The following CDK8 variants were observed in gnomAD, a reference collection of about 807,000 sequenced individuals.
CDK8 encodes the protein cyclin dependent kinase 8.
CDK8 carries 29 observed loss-of-function variants against 71.5 expected under a neutral mutation model. The ratio of observed to expected loss-of-function variants is 0.41; its 90% confidence interval spans 0.30 to 0.55. The LOEUF (loss-of-function observed/expected upper bound fraction) is 0.55, where lower values mean the gene tolerates loss of function less well. Among genes scored for constraint, CDK8 ranks in the 20% least tolerant of loss-of-function variants. The probability of loss-of-function intolerance (pLI) is 0.37; values close to 1 mark genes in which losing one functional copy is unlikely to be tolerated. For synonymous variants in CDK8, 161 were observed against 192.1 expected (o/e 0.84, Z 1.34); for missense variants, 288 against 572.6 (o/e 0.50, Z 5.07).
chr13:26,389,954 C>T (rs1035488147), intron 6 of CDK8, among the ~76,000 whole-genome samples: 22 of 150,748 alleles, frequency 1.5e-4, no homozygotes, highest in Admixed American at 7.2e-4. Context: ...GCAGAGATCA[C>T]GCTACTGCAC....
Position 26,326,110 on chromosome 13 carries a change from T to C in CDK8, c.129-11457T>C, listed in dbSNP as rs188771074. Among the ~76,000 whole-genome samples, 3 of 152,288 alleles carry C rather than the reference T, an allele frequency of 2.0e-5. No individual in the cohort carries two copies. In the East Asian group the frequency reaches 5.8e-4, roughly 29 times the overall value. On this transcript the variant is annotated intron_variant, in intron 1 of 12. Coordinates refer to ENST00000381527, the MANE Select transcript of CDK8 (RefSeq NM_001260.3). ...TTGTCCCTAAGTGTGGTTTTGGTGT[T>C]GACAAAAACTTTCCTAAGTATGACA...
intron 1 of CDK8, among the ~76,000 whole-genome samples, chr13:26,272,745 C>T (rs1872389719): frequency 6.6e-6 from 1 of 152,200 alleles, no homozygotes. Flanking sequence ...GGTTTCTTCA[C>T]ACCAGCATCA....
chr13:26,266,277 C>T (rs1872014443), intron 1 of CDK8, among the ~76,000 whole-genome samples: 1 of 152,194 alleles, frequency 6.6e-6, no homozygotes, highest in African/African-American at 2.4e-5. Flanking sequence ...TAGAGTTAGA[C>T]TATGTACTTA....
chr13:26,312,126 C>T (rs991106082), intron 1 of CDK8, among the ~76,000 whole-genome samples: 8 of 151,996 alleles, frequency 5.3e-5, no homozygotes, highest in Non-Finnish European at 1.0e-4. Flanking sequence ...TGTCTAGCTA[C>T]GGGATTGTAA....
In CDK8 at chr13:26,397,156, T is replaced by C. The variant is rs780881231; in HGVS notation, c.864T>C (p.Tyr288=). 6.4e-7 allele frequency: 1 copy of C among 1,569,360 alleles called. No homozygotes were observed. Among genetic ancestry groups the C allele is most frequent in the Non-Finnish European group, 8.8e-7 (1 of 1,141,608 alleles). The stretch of plus-strand genomic sequence containing the variant: ...TTTCATAGTATTTCTCTTTCAGGTA[T>C]ACCAACTGCAGCCTTATCAAGTATA... ...TLMKDFRRNT[Y]TNCSLIKYME... Residue 288 remains tyrosine, a synonymous_variant, in exon 9 of 13, where the codon TAT becomes TAC. Transcript: ENST00000381527.
intron 2 of CDK8, among the ~76,000 whole-genome samples, chr13:26,339,915 T>TC (rs919915567): frequency 6.6e-6 from 1 of 151,690 alleles, no homozygotes; most frequent in African/African-American, 2.4e-5. Flanking sequence ...TTCCTTTTTT[T>TC]CTTTACCGAG....
At chr13:26,397,372 C>A (rs1041383658) in intron 9 of CDK8, 147 bp downstream of exon 9, 2 of 566,998 alleles carry the variant, frequency 3.5e-6, no homozygotes, top group African/African-American at 3.9e-5. Context: ...TTAGTGCATA[C>A]CAATAAAGAC....
In CDK8 at chr13:26,378,138, G is replaced by C. The variant is rs551476492; in HGVS notation, c.457-4676G>C. Among the ~76,000 whole-genome samples the C allele has an allele frequency of 2.6e-5, 4 of 152,310 alleles. 1 individual carries two copies. The South Asian group carries it at 8.3e-4, about 32-fold the overall frequency. On this transcript the variant is annotated intron_variant, in intron 4 of 12. Transcript: ENST00000381527. ...TAAAGTTATTGCCGTTAACTTGGCAGATGTGCCACCATTCTCCACTTCCTA... is the reference window on the plus strand; with the variant it reads ...TAAAGTTATTGCCGTTAACTTGGCACATGTGCCACCATTCTCCACTTCCTA...
chr13:26,338,785 A>G (rs1404849748), intron 2 of CDK8, among the ~76,000 whole-genome samples: 1 of 152,124 alleles, frequency 6.6e-6, no homozygotes, highest in African/African-American at 2.4e-5. Context: ...CCATTAAACT[A>G]TGGTCAGTGG....
intron 4 of CDK8, among the ~76,000 whole-genome samples, chr13:26,356,861 G>T (rs770078576): frequency 6.6e-6 from 1 of 152,004 alleles, no homozygotes; most frequent in African/African-American, 2.4e-5. Context: ...CTTTACCCCT[G>T]TTTAGTCAGA....
At chr13:26,335,920 T>TAATAACAACAAC (rs370234816) in intron 1 of CDK8, among the ~76,000 whole-genome samples, 8 of 149,976 alleles carry the variant, frequency 5.3e-5, no homozygotes, top group African/African-American at 1.5e-4. Flanking sequence ...TTCTCTTGCT[T>TAATAACAACAAC]AACAACAACA....
chr13:26,304,458 C>T (rs1433621901), intron 1 of CDK8, among the ~76,000 whole-genome samples: 1 of 151,516 alleles, frequency 6.6e-6, no homozygotes, highest in Non-Finnish European at 1.5e-5. Context: ...GTGTATTATT[C>T]TATCTTCCTC....
chr13:26,361,215 C>A (rs1360697973), intron 4 of CDK8, among the ~76,000 whole-genome samples: 3 of 152,120 alleles, frequency 2.0e-5, no homozygotes. Context: ...TCTTTAATTG[C>A]AAATAAGATG....
At chr13:26,386,583 T>C (rs918252931) in intron 6 of CDK8, among the ~76,000 whole-genome samples, 4 of 152,214 alleles carry the variant, frequency 2.6e-5, no homozygotes, top group Non-Finnish European at 5.9e-5. Context: ...GCTTTCTGGA[T>C]TTCATGATTT....
Position 26,401,703 on chromosome 13 carries a change from T to G in CDK8, c.1269+79T>G, listed in dbSNP as rs1876268859. On this transcript the variant is annotated intron_variant, in intron 12 of 12. Coordinates refer to ENST00000381527, the MANE Select transcript of CDK8 (RefSeq NM_001260.3). This position sits in a 1 kb window ranked among gnomAD's most constrained non-coding sequence, Gnocchi z 4.5. ...ATGATCGTGGGAAAATGTGATTTAA[T>G]TGAGAAATACTGACGTCTGTATACC... 1 of 1,434,332 alleles carries G rather than the reference T, an allele frequency of 7.0e-7. No individual in the cohort carries two copies. 88.9% of individuals were successfully genotyped at this position (1,434,332 alleles called of 1,614,324 possible).
intron 1 of CDK8, among the ~76,000 whole-genome samples, chr13:26,295,282 G>A (rs1325164525): frequency 3.3e-5 from 5 of 152,058 alleles, no homozygotes; most frequent in Non-Finnish European, 7.4e-5. Flanking sequence ...ACTTTGGTAT[G>A]TGTAGATTTT....
chr13:26,261,432 C>A (rs2137853706), intron 1 of CDK8, among the ~76,000 whole-genome samples: 1 of 152,206 alleles, frequency 6.6e-6, no homozygotes, highest in East Asian at 1.9e-4. Flanking sequence ...TTTCATGACC[C>A]CAAAAAGAAA....
At chr13:26,381,702 A>G (rs546194650) in intron 4 of CDK8, among the ~76,000 whole-genome samples, 1 of 152,034 alleles carries the variant, frequency 6.6e-6, no homozygotes, top group Non-Finnish European at 1.5e-5. Context: ...AACTTTAAAA[A>G]TTGTAGGAGT....
chr13:26,342,148 C>G (rs190759016), intron 2 of CDK8, among the ~76,000 whole-genome samples: 27 of 152,238 alleles, frequency 1.8e-4, no homozygotes, highest in Admixed American at 1.6e-3. Flanking sequence ...CTCTTGACCT[C>G]GTGATCCGCC....
Sources: gnomAD v4.1 joint callset for allele counts (sites outside exome capture counted in the v4.1 genomes callset) on GRCh38, gnomAD v4.1.1 for gene constraint, Gnocchi (gnomAD v3.1) non-coding constraint, MANE v1.5 for transcripts, NCBI Gene and HGNC (gene_info 2026-07-23, HGNC 2026-07-21) for gene names.